Variants in SZT2 observed in about 807,000 individuals in gnomAD.
SZT2 encodes SZT2 subunit of KICSTOR complex, also known as KICSTOR complex protein SZT2.
Under a neutral mutation model 404.2 loss-of-function variants are expected in SZT2, and 216 were observed. The observed-to-expected ratio is 0.53, with a 90% CI of 0.48 to 0.60. The LOEUF is 0.60. SZT2 is among the 20% of genes least tolerant of loss of function. The probability of loss-of-function intolerance (pLI) is 0.00; values close to 1 mark genes in which losing one functional copy is unlikely to be tolerated. For synonymous variants in SZT2, 1,693 were observed against 1,749.9 expected, an observed-to-expected ratio of 0.97 and a Z score of 0.81; for missense variants, 3,857 against 4,459.2, an observed-to-expected ratio of 0.86 and a Z score of 3.85.
rs1570676156 is a variant in SZT2 at position 43,432,276 on chromosome 1, T to C, written c.5279T>C (p.Phe1760Ser). The change falls in exon 37 of 72, where the codon TTC becomes TCC. Residue 1760 changes from phenylalanine to serine, a missense_variant. Phe to Ser is a radical substitution (Grantham distance 155). Around this residue, in one of 7 missense-constraint regions of SZT2, gnomAD observed 1,725 missense variants for 1,881.0 expected, o/e 0.92. Transcript: ENST00000634258. ...ERSLTQFKEE[F>S]RRLHLPGHVL... ...ATCTTGGCTCCTGCTCTCTAGGAGT[T>C]CCGCCGCCTCCATCTCCCTGGCCAT... is the stretch of plus-strand genomic sequence containing the variant. The C allele has an allele frequency of 6.4e-7, 1 of 1,551,528 alleles. No homozygotes were observed. Among genetic ancestry groups the C allele is most frequent in the Non-Finnish European group, 8.7e-7 (1 of 1,151,886 alleles).
chr1:43,437,989 C>A lies in SZT2; in HGVS notation c.6508+87C>A. The A allele has an allele frequency of 1.5e-6, 2 of 1,342,580 alleles. No individual in the cohort carries two copies. Among genetic ancestry groups the A allele is most frequent in the South Asian group, 2.4e-5 (2 of 83,902 alleles). 83.2% of individuals were successfully genotyped at this position (1,342,580 alleles called of 1,614,324 possible). ...CTCTTAGAACCTTGCAAGCATTACA[C>A]TAGAAGTTATGTAACAGTCTCAGCC... On this transcript the variant is annotated intron_variant, in intron 46 of 71. Coordinates refer to ENST00000634258, the MANE Select transcript of SZT2 (RefSeq NM_001365999.1). The surrounding 1 kb of genome is among the most constrained non-coding windows in gnomAD (Gnocchi z 5.3).
chr1:43,442,327 C>A lies in SZT2; in HGVS notation c.7933C>A (p.Pro2645Thr). 1 of 1,614,058 alleles carries A rather than the reference C, an allele frequency of 6.2e-7. No individual in the cohort carries two copies. The highest frequency in any genetic ancestry group is 8.5e-7 in the Non-Finnish European group (1 of 1,179,996). Residue 2645 changes from proline (P) to threonine (T), a missense_variant, in exon 57 of 72, where the codon CCC becomes ACC. Coordinates refer to ENST00000634258, the MANE Select transcript of SZT2 (RefSeq NM_001365999.1). This position sits in a 1 kb window ranked among gnomAD's most constrained non-coding sequence, Gnocchi z 4.5. ...TGATGGGAGCTCAGGGCGAAATGCT[C>A]CCCGGCAGAGGCTCTTGCTACTAGA... ...GGDGSSGRNA[P>T]RQRLLLLEVV...
chr1:43,403,295 A>G lies in SZT2; in HGVS notation c.146A>G (p.Glu49Gly). Residue 49 changes from glutamate to glycine, a missense_variant, in exon 2 of 72, where the codon GAG (glutamate) becomes GGG (glycine). Glu to Gly is a moderately conservative substitution (Grantham distance 98). This residue lies in a region of SZT2 where 536 missense variants were observed against 637.4 expected (regional missense o/e 0.84). Transcript: ENST00000634258. The stretch of plus-strand genomic sequence containing the variant: ...CAAACTGTGCAGGCCACACCCCAGG[A>G]GATGCTGGTGAGGCTTAGACACACG... Reference protein sequence around the residue: ...LHQTVQATPQEMLLQSEQELE... With the variant: ...LHQTVQATPQGMLLQSEQELE... The G allele has an allele frequency of 1.2e-6, 2 of 1,613,402 alleles. No homozygotes were observed. Among genetic ancestry groups the G allele is most frequent in the Non-Finnish European group, 1.7e-6 (2 of 1,179,964 alleles).
Position 43,425,438 on chromosome 1 carries a change from G to A in SZT2, c.2646-36G>A, listed in dbSNP as rs1205113583. The A allele has an allele frequency of 3.7e-6, 6 of 1,612,368 alleles. No individual in the cohort carries two copies. The South Asian group carries it at 4.4e-5, about 12-fold the overall frequency. On this transcript the variant is annotated intron_variant, in intron 18 of 71. Coordinates refer to ENST00000634258, the MANE Select transcript of SZT2 (RefSeq NM_001365999.1). The surrounding 1 kb of genome is among the most constrained non-coding windows in gnomAD (Gnocchi z 4.3). ...CCATGAGGTTCACTCCCTGCCATGA[G>A]GCTGTGCATTGGACTCAGAGCCCTT...
In SZT2 at chr1:43,452,459, C is replaced by T; in HGVS notation, c.*1979C>T. ...CCTGGGTCACGATGCCCAGGTATCCCAGCACTTTCAGAGACACTTCAGTGA... is the reference window on the plus strand; with the variant it reads ...CCTGGGTCACGATGCCCAGGTATCCTAGCACTTTCAGAGACACTTCAGTGA... On this transcript the variant is annotated 3_prime_UTR_variant, in exon 72 of 72. Transcript: ENST00000634258. 1.4e-6 allele frequency: 1 copy of T among 733,056 alleles called. No homozygotes were observed. Among genetic ancestry groups the T allele is most frequent in the Non-Finnish European group, 2.5e-6 (1 of 401,696 alleles). The allele number at this position is 733,056 out of a possible 1,614,324, so 45.4% of individuals were successfully genotyped here.
At chr1:43,391,883 CAT>C (rs1299480008) in intron 1 of SZT2, among the ~76,000 whole-genome samples, 471 of 22,126 alleles carry the variant, frequency 0.021, 187 homozygotes, top group Middle Eastern at 0.056. Flanking sequence ...AGATCGAGAC[CAT>C]CCTGGCTAAA....
intron 14 of SZT2, 36 bp from the exon 15 acceptor site, chr1:43,423,063 T>A (rs1362651768): frequency 1.3e-6 from 2 of 1,550,328 alleles, no homozygotes; most frequent in East Asian, 4.7e-5. Context: ...CTGTAGGAGA[T>A]GGGAGTAAGA....
rs1653868760 is a variant in SZT2 at position 43,431,474 on chromosome 1, C to A, written c.5039C>A (p.Ser1680Tyr). 3.1e-6 allele frequency: 5 copies of A among 1,614,074 alleles called. No homozygotes were observed. In the Admixed American group the frequency reaches 6.7e-5, roughly 22 times the overall value. The change falls in exon 35 of 72, where the codon TCC becomes TAC. Residue 1680 changes from serine (S) to tyrosine (Y), a missense_variant. This residue lies in a region of SZT2 where 1,725 missense variants were observed against 1,881.0 expected (regional missense o/e 0.92). Coordinates refer to ENST00000634258, the MANE Select transcript of SZT2 (RefSeq NM_001365999.1). The stretch of plus-strand genomic sequence containing the variant: ...CTTCCAATTAGGCACCCAGGACTAT[C>A]CAATTTGGCCACGCCCCACAGACTG... ...PPEEERHPGL[S>Y]NLATPHRLAI...
In SZT2 at chr1:43,448,444, C is replaced by T; in HGVS notation, c.9929C>T (p.Ala3310Val). 6.2e-7 allele frequency: 1 copy of T among 1,608,182 alleles called. No individual in the cohort carries two copies. The highest frequency in any genetic ancestry group is 8.5e-7 in the Non-Finnish European group (1 of 1,177,686). Reference protein sequence around the residue: ...ALAELEELLEAVHAKSIGDID... With the variant: ...ALAELEELLEVVHAKSIGDID... Reference sequence around the variant, plus strand: ...GCAGAGCTGGAGGAACTCCTAGAAGCAGTCCATGCCAAATCCATTGGGGAC... The same window carrying T: ...GCAGAGCTGGAGGAACTCCTAGAAGTAGTCCATGCCAAATCCATTGGGGAC... The change falls in exon 69 of 72, where the codon GCA (alanine) becomes GTA (valine). Residue 3310 changes from alanine (A) to valine (V), a missense_variant. This residue lies in a region of SZT2 where 717 missense variants were observed against 868.2 expected (regional missense o/e 0.83). Coordinates refer to ENST00000634258, the MANE Select transcript of SZT2 (RefSeq NM_001365999.1). This position sits in a 1 kb window ranked among gnomAD's most constrained non-coding sequence, Gnocchi z 4.2.
intron 13 of SZT2, 30 bp downstream of exon 13, chr1:43,422,662 GCC>G (rs766867062): frequency 8.1e-7 from 1 of 1,231,814 alleles, no homozygotes; most frequent in Non-Finnish European, 1.0e-6. Context: ...TTCACCCCCC[GCC>G]CCCCCACCCC....
intron 14 of SZT2, 53 bp downstream of exon 14, chr1:43,422,936 C>T: frequency 6.6e-7 from 1 of 1,517,872 alleles, no homozygotes; most frequent in South Asian, 1.2e-5. Context: ...TGTAGGATAG[C>T]TCCCTCTCCC....
chr1:43,422,377 C>G, intron 12 of SZT2, 103 bp from the exon 13 acceptor site: 1 of 1,495,688 alleles, frequency 6.7e-7, no homozygotes, highest in Non-Finnish European at 8.9e-7. Context: ...TCTTCAGTCC[C>G]CATAACCTCA....
chr1:43,437,497 G>A lies in SZT2; in HGVS notation c.6279G>A (p.Val2093=), dbSNP rs1420169481. The A allele has an allele frequency of 6.2e-7, 1 of 1,614,036 alleles. No individual in the cohort carries two copies. The highest frequency in any genetic ancestry group is 1.3e-5 in the African/African-American group (1 of 74,914). ...FVYQERATKA[V]YYLRLLETSC... ...ACCAGGAGCGAGCAACAAAGGCTGT[G>A]TACTATCTTCGGTATGTGGCCCTTG... The change falls in exon 44 of 72, where the codon GTG becomes GTA. Residue 2093 remains valine, a synonymous_variant. Coordinates refer to ENST00000634258, the MANE Select transcript of SZT2 (RefSeq NM_001365999.1). The surrounding 1 kb of genome is among the most constrained non-coding windows in gnomAD (Gnocchi z 5.3).
chr1:43,450,381 G>A lies in SZT2; in HGVS notation c.10200G>A (p.Gln3400=). ...VFREPFPVQP[Q]DSESPPAQLV... is the part of the protein sequence containing the mutation. ...GAGAGCCCTTCCCAGTACAGCCCCA[G>A]GACAGCGAGAGCCCCCCTGCCCAAC... Residue 3400 remains glutamine, a synonymous_variant, in exon 72 of 72, where the codon CAG becomes CAA. Coordinates refer to ENST00000634258, the MANE Select transcript of SZT2 (RefSeq NM_001365999.1). This position sits in a 1 kb window ranked among gnomAD's most constrained non-coding sequence, Gnocchi z 4.3. 1 of 1,613,994 alleles carries A rather than the reference G, an allele frequency of 6.2e-7. No homozygotes were observed. The highest frequency in any genetic ancestry group is 8.5e-7 in the Non-Finnish European group (1 of 1,179,970).
rs752635597 is a variant in SZT2 at position 43,450,171 on chromosome 1, G to T, written c.10155G>T (p.Thr3385=). 6.2e-7 allele frequency: 1 copy of T among 1,614,060 alleles called. No individual in the cohort carries two copies. The highest frequency in any genetic ancestry group is 8.5e-7 in the Non-Finnish European group (1 of 1,179,976). ...TTCTGGACTCCCACTTAGGAAAGACGGTAAGAACGAGTGGGGGGCTTTGTG... is the reference window on the plus strand; with the variant it reads ...TTCTGGACTCCCACTTAGGAAAGACTGTAAGAACGAGTGGGGGGCTTTGTG... The part of the protein sequence containing the change: ...LVFLDSHLGK[T]SLTVVFREPF... Residue 3385 remains threonine, a splice_region_variant and synonymous_variant, in exon 71 of 72, where the codon ACG becomes ACT. Transcript: ENST00000634258. This position sits in a 1 kb window ranked among gnomAD's most constrained non-coding sequence, Gnocchi z 4.3.
At position 43,439,262 on chromosome 1, in the gene SZT2, T is replaced by C. The variant is rs1290952386; in HGVS notation, c.6793-96T>C. The C allele has an allele frequency of 3.3e-6, 5 of 1,532,936 alleles. No homozygotes were observed. Among genetic ancestry groups the C allele is most frequent in the Non-Finnish European group, 4.5e-6 (5 of 1,109,610 alleles). 95.0% of individuals were successfully genotyped at this position (1,532,936 alleles called of 1,614,324 possible). On this transcript the variant is annotated intron_variant, in intron 48 of 71. Coordinates refer to ENST00000634258, the MANE Select transcript of SZT2 (RefSeq NM_001365999.1). The surrounding 1 kb of genome is among the most constrained non-coding windows in gnomAD (Gnocchi z 4.2). ...CCGCCTGTGTCTTCTCATGCTCCCA[T>C]ATCTACCTGCACCACATTCCCCACT...
rs374492072 is a variant in SZT2, at chr1:43,448,147, G to A, written c.9632G>A (p.Arg3211His). Residue 3211 changes from arginine (R) to histidine (H), a missense_variant, in exon 69 of 72, where the codon CGC (arginine) becomes CAC (histidine). This residue lies in a region of SZT2 where 717 missense variants were observed against 868.2 expected (regional missense o/e 0.83). Transcript: ENST00000634258. This position sits in a 1 kb window ranked among gnomAD's most constrained non-coding sequence, Gnocchi z 4.2. ...LFPRLTADMR[R>H]FRKPPRLPPE... Reference sequence around the variant, plus strand: ...CCCAGGCTCACTGCTGACATGCGCCGCTTCCGGAAGCCACCCAGACTGCCC... The same window carrying A: ...CCCAGGCTCACTGCTGACATGCGCCACTTCCGGAAGCCACCCAGACTGCCC... 63 of 1,609,746 alleles carry A rather than the reference G, an allele frequency of 3.9e-5. No homozygotes were observed. Among genetic ancestry groups the A allele is most frequent in the Non-Finnish European group, 4.8e-5 (56 of 1,177,394 alleles).
intron 13 of SZT2, 25 bp downstream of exon 13, chr1:43,422,657 C>CCCCA: frequency 8.0e-7 from 1 of 1,250,822 alleles, no homozygotes; most frequent in South Asian, 1.4e-5. Flanking sequence ...GTCCCTTCAC[C>CCCCA]CCCCGCCCCC....
At chr1:43,409,884 A>G (rs1196029328) in intron 4 of SZT2, 1 of 152,350 alleles carries the variant, frequency 6.6e-6, no homozygotes. Flanking sequence ...TACCAATGAC[A>G]TTCTTCATAG....
Sources: gnomAD v4.1 joint callset for allele counts (sites outside exome capture counted in the v4.1 genomes callset) on GRCh38, gnomAD v4.1.1 for gene constraint, gnomAD v4.1.1 regional missense constraint, Gnocchi (gnomAD v3.1) non-coding constraint, MANE v1.5 for transcripts, NCBI Gene and HGNC (gene_info 2026-07-23, HGNC 2026-07-21) for gene names.